Variants in IBTK observed in about 807,000 individuals in gnomAD.
IBTK encodes the protein inhibitor of Bruton tyrosine kinase.
Under a neutral mutation model 154.9 loss-of-function variants are expected in IBTK, and 83 were observed. That is an observed-to-expected ratio of 0.54 (90% CI 0.45 to 0.64). The LOEUF is 0.64. IBTK is among the 30% of genes least tolerant of loss of function. IBTK has a pLI of 0.00. For synonymous variants in IBTK, 515 were observed against 536.1 expected (o/e 0.96, Z 0.54); for missense variants, 1,332 against 1,584.6 (o/e 0.84, Z 2.71).
At chr6:82,206,415 A>G (rs919930733) in intron 16 of IBTK, among the ~76,000 whole-genome samples, 15 of 88,374 alleles carry the variant, frequency 1.7e-4, no homozygotes, top group Non-Finnish European at 7.1e-5. Context: ...AAGTAAAGAT[A>G]TTGAATTAGT....
At chr6:82,200,342 G>T in intron 20 of IBTK, 89 bp from the exon 21 acceptor site, 1 of 929,132 alleles carries the variant, frequency 1.1e-6, no homozygotes, top group Non-Finnish European at 1.7e-6. Context: ...TAACCTGAAG[G>T]CTACTTTTTA....
At chr6:82,234,284 A>AAT (rs767156988) in intron 2 of IBTK, 29 bp from the exon 3 acceptor site, 119 of 851,682 alleles carry the variant, frequency 1.4e-4, no homozygotes, top group Middle Eastern at 2.9e-4. Flanking sequence ...CAAATACATA[A>AAT]ATATATATAT....
At chr6:82,192,619 C>T (rs544276601) in intron 23 of IBTK, among the ~76,000 whole-genome samples, 9 of 151,658 alleles carry the variant, frequency 5.9e-5, no homozygotes, top group Admixed American at 3.9e-4. Context: ...TGGTGGCAGG[C>T]GCCTGTAATC....
chr6:82,194,065 C>T (rs1343034143), intron 23 of IBTK, among the ~76,000 whole-genome samples: 1 of 151,974 alleles, frequency 6.6e-6, no homozygotes, highest in Non-Finnish European at 1.5e-5. Context: ...AAATTAATAT[C>T]CTCTGAAAAT....
At chr6:82,228,723 G>A (rs1192698105) in intron 4 of IBTK, among the ~76,000 whole-genome samples, 5 of 151,776 alleles carry the variant, frequency 3.3e-5, no homozygotes, top group African/African-American at 1.2e-4. Flanking sequence ...CCGGGTTCAC[G>A]CTATTCTCCT....
At chr6:82,222,923 TTA>T (rs1206799300) in intron 8 of IBTK, among the ~76,000 whole-genome samples, 4 of 151,800 alleles carry the variant, frequency 2.6e-5, no homozygotes, top group African/African-American at 9.7e-5. Flanking sequence ...AACAAAAACT[TTA>T]TGATTCTTTG....
At chr6:82,225,032 G>C (rs546550319) in intron 6 of IBTK, among the ~76,000 whole-genome samples, 1 of 152,012 alleles carries the variant, frequency 6.6e-6, no homozygotes, top group African/African-American at 2.4e-5. Flanking sequence ...GGGTGCAGTG[G>C]CTCACACCTG....
At chr6:82,185,076 G>A (rs1433471058) in intron 25 of IBTK, among the ~76,000 whole-genome samples, 2 of 151,228 alleles carry the variant, frequency 1.3e-5, no homozygotes, top group Non-Finnish European at 2.9e-5. Context: ...CCAGATACTC[G>A]GGAGGCTGAG....
chr6:82,209,584 G>T (rs186128387), intron 16 of IBTK, among the ~76,000 whole-genome samples: 32 of 152,186 alleles, frequency 2.1e-4, no homozygotes, highest in African/African-American at 6.3e-4. Flanking sequence ...GGAAGTGTCT[G>T]CTAATGGGTA....
rs1235106394 is a variant in IBTK at position 82,191,086 on chromosome 6, G to A, written c.3562C>T (p.Pro1188Ser). The change falls in exon 25 of 29, where the codon CCA becomes TCA. Residue 1188 changes from proline to serine, a missense_variant. Around this residue, in one of 3 missense-constraint regions of IBTK, gnomAD observed 1,134 missense variants for 1,274.7 expected, o/e 0.89. Coordinates refer to ENST00000306270, the MANE Select transcript of IBTK (RefSeq NM_015525.4). ...ATAAGAGCATACCATGCATTCACTG[G>A]TTTGGGGGCTTTTGAAGGAGTGAAT... ...VLFTPSKAPK[P>S]VNAWASSLHS... 1 of 1,568,160 alleles carries A rather than the reference G, an allele frequency of 6.4e-7. No homozygotes were observed. Among genetic ancestry groups the A allele is most frequent in the Non-Finnish European group, 8.7e-7 (1 of 1,155,490 alleles).
At chr6:82,189,738 T>C (rs1045099219) in intron 25 of IBTK, among the ~76,000 whole-genome samples, 1 of 152,354 alleles carries the variant, frequency 6.6e-6, no homozygotes. Context: ...TTTCACTCGT[T>C]CACTTTTTGC....
intron 22 of IBTK, among the ~76,000 whole-genome samples, chr6:82,195,675 C>A (rs1376578362): frequency 1.3e-5 from 2 of 152,094 alleles, no homozygotes; most frequent in South Asian, 2.1e-4. Context: ...AGTTCCGATA[C>A]GTTTTGTGGA....
At chr6:82,199,616 C>T (rs1174148514) in intron 21 of IBTK, among the ~76,000 whole-genome samples, 2 of 152,050 alleles carry the variant, frequency 1.3e-5, no homozygotes, top group African/African-American at 4.8e-5. Flanking sequence ...TCATGTTTTG[C>T]CAACCTCTAA....
chr6:82,218,730 C>A lies in IBTK; in HGVS notation c.1249-593G>T, dbSNP rs776918434. Among the ~76,000 whole-genome samples, 93 of 152,280 alleles carry A rather than the reference C, an allele frequency of 6.1e-4. 1 individual carries two copies. The highest frequency in any genetic ancestry group is 3.4e-3 in the Middle Eastern group (1 of 294). On this transcript the variant is annotated intron_variant, in intron 9 of 28. Coordinates refer to ENST00000306270, the MANE Select transcript of IBTK (RefSeq NM_015525.4). ...GAGATGGGGTGTCAGGCTTCCCAAT[C>A]CACAGTAGCAATTGTTTTATCTGTT...
At chr6:82,185,184 G>GAAAAA (rs1196015823) in intron 25 of IBTK, among the ~76,000 whole-genome samples, 2 of 37,802 alleles carry the variant, frequency 5.3e-5, no homozygotes, top group African/African-American at 8.5e-5. Context: ...CTCTGTCTCA[G>GAAAAA]AAAAAAAAAA....
intron 27 of IBTK, chr6:82,172,741 G>C: frequency 2.3e-6 from 1 of 442,568 alleles, no homozygotes; most frequent in South Asian, 3.7e-5. Flanking sequence ...ATTTTTTCCA[G>C]TGACCTACGA....
Position 82,173,674 on chromosome 6 carries a change from A to AATATATATATATATATATAT in IBTK, c.3726-237_3726-236insATATATATATATATATATAT, listed in dbSNP as rs35757334. Reference sequence around the variant, plus strand: ...AAGAAATAGCCTATTTCTAATAATAAATATATATATACACACACCAGATAA... The same window carrying AATATATATATATATATATAT: ...AAGAAATAGCCTATTTCTAATAATAAATATATATATATATATATATATATATATATACACACACCAGATAA... On this transcript the variant is annotated intron_variant, in intron 26 of 28. Transcript: ENST00000306270. 165 of 197,312 alleles carry AATATATATATATATATATAT rather than the reference A, an allele frequency of 8.4e-4. 8 individuals carry two copies. Among genetic ancestry groups the AATATATATATATATATATAT allele is most frequent in the Middle Eastern group, 1.7e-3 (1 of 582 alleles). 12.2% of individuals were successfully genotyped at this position (197,312 alleles called of 1,614,324 possible).
chr6:82,244,918 G>A (rs1324427177), intron 1 of IBTK, among the ~76,000 whole-genome samples: 1 of 151,750 alleles, frequency 6.6e-6, no homozygotes, highest in Non-Finnish European at 1.5e-5. Flanking sequence ...CTTCTTCAGC[G>A]CATCCATAGT....
intron 21 of IBTK, among the ~76,000 whole-genome samples, chr6:82,196,836 T>G (rs1274392352): frequency 1.3e-5 from 2 of 152,192 alleles, no homozygotes; most frequent in Non-Finnish European, 2.9e-5. Flanking sequence ...CTTGGTACAG[T>G]GGTCTCCGCA....
Sources: allele counts gnomAD v4.1 joint callset (sites outside exome capture counted in the v4.1 genomes callset), GRCh38; gene constraint gnomAD v4.1.1; regional missense constraint gnomAD v4.1.1; transcripts MANE v1.5; gene names NCBI Gene and HGNC (gene_info 2026-07-23, HGNC 2026-07-21).